TIGD4: variants seen among roughly 807,000 people sequenced by gnomAD.
TIGD4 encodes tigger transposable element derived 4, also known as tigger transposable element-derived protein 4.
TIGD4 carries 20 observed loss-of-function variants against 24.9 expected under a neutral mutation model. The ratio of observed to expected loss-of-function variants is 0.80; its 90% confidence interval spans 0.56 to 1.17. The LOEUF (loss-of-function observed/expected upper bound fraction) is 1.17, where lower values mean the gene tolerates loss of function less well. Among genes scored for constraint, TIGD4 ranks in the 50% most tolerant of loss-of-function variants. The pLI, the probability that TIGD4 is intolerant of heterozygous loss-of-function variation, is 0.00. For synonymous variants in TIGD4, 193 were observed against 211.0 expected (o/e 0.91, Z 0.74); for missense variants, 566 against 591.0 (o/e 0.96, Z 0.44).
intron 1 of TIGD4, among the ~76,000 whole-genome samples, chr4:152,778,399 G>C (rs1730302393): frequency 6.6e-6 from 1 of 152,194 alleles, no homozygotes; most frequent in African/African-American, 2.4e-5. Flanking sequence ...TAGTTGCTCA[G>C]TTCCTACACA....
intron 1 of TIGD4, among the ~76,000 whole-genome samples, chr4:152,773,802 A>G (rs1219506986): frequency 6.6e-6 from 1 of 152,184 alleles, no homozygotes; most frequent in East Asian, 1.9e-4. Flanking sequence ...TCTTGCTTGT[A>G]TATGGGATCT....
chr4:152,771,183 G>A lies in TIGD4; in HGVS notation c.-179C>T. On this transcript the variant is annotated 5_prime_UTR_variant, in exon 2 of 2. Transcript: ENST00000304337. Reference sequence around the variant, plus strand: ...TGATGACAAAATATGCTTTTTCAAAGATCTGAAGAAAAATATTATATGCAA... The same window carrying A: ...TGATGACAAAATATGCTTTTTCAAAAATCTGAAGAAAAATATTATATGCAA... The A allele has an allele frequency of 1.5e-6, 1 of 683,342 alleles. No homozygotes were observed. The highest frequency in any genetic ancestry group is 1.9e-5 in the African/African-American group (1 of 53,196). 42.3% of individuals were successfully genotyped at this position (683,342 alleles called of 1,614,324 possible). A position where few individuals can be genotyped will look rare whatever the true frequency, so the allele number is the denominator to read the frequency against.
chr4:152,772,679 C>T (rs143619816), intron 1 of TIGD4, among the ~76,000 whole-genome samples: 3 of 152,026 alleles, frequency 2.0e-5, no homozygotes, highest in African/African-American at 7.2e-5. Context: ...AGCAAGAATC[C>T]CACCTTAAAT....
At position 152,769,458 on chromosome 4, in the gene TIGD4, A is replaced by G. The variant is rs1730115978; in HGVS notation, c.*8T>C. 1 of 1,496,318 alleles carries G rather than the reference A, an allele frequency of 6.7e-7. No homozygotes were observed. Among genetic ancestry groups the G allele is most frequent in the Non-Finnish European group, 9.0e-7 (1 of 1,110,442 alleles). 92.7% of individuals were successfully genotyped at this position (1,496,318 alleles called of 1,614,324 possible). On this transcript the variant is annotated 3_prime_UTR_variant, in exon 2 of 2. Coordinates refer to ENST00000304337, the MANE Select transcript of TIGD4 (RefSeq NM_145720.4). The stretch of plus-strand genomic sequence containing the variant: ...AAAGCTATTACTCTTTAGATGTACA[A>G]TACATAGTTACTTAGGTGATAAAGA...
Position 152,770,248 on chromosome 4 carries a change from C to G in TIGD4, c.757G>C (p.Glu253Gln). ...GTCATCCATGCCATTCTGTTAGCTT[C>G]ATAACACACAGGCAATGATTTTAAA... ...KGLKSLPVCY[E>Q]ANRMAWMTSD... is the part of the protein sequence containing the mutation. The change falls in exon 2 of 2, where the codon GAA (glutamate) becomes CAA (glutamine). Residue 253 changes from glutamate (E) to glutamine (Q), a missense_variant. Glu to Gln is a conservative substitution (Grantham distance 29, BLOSUM62 2). Transcript: ENST00000304337. 2 of 1,614,052 alleles carry G rather than the reference C, an allele frequency of 1.2e-6. No individual in the cohort carries two copies. Among genetic ancestry groups the G allele is most frequent in the Admixed American group, 3.3e-5 (2 of 60,018 alleles).
intron 1 of TIGD4, among the ~76,000 whole-genome samples, chr4:152,777,246 A>T (rs1220656871): frequency 6.6e-6 from 1 of 152,298 alleles, no homozygotes; most frequent in East Asian, 1.9e-4. Context: ...TATGCCACAA[A>T]TGCCATTCAG....
rs1288118138 is a variant in TIGD4 at position 152,770,152 on chromosome 4, TCAC to T, written c.850_852del (p.Val284del). The T allele has an allele frequency of 2.5e-6, 4 of 1,613,970 alleles. No homozygotes were observed. The highest frequency in any genetic ancestry group is 3.4e-6 in the Non-Finnish European group (4 of 1,179,960). On this transcript the variant is annotated inframe_deletion, in exon 2 of 2. Coordinates refer to ENST00000304337, the MANE Select transcript of TIGD4 (RefSeq NM_145720.4). ...TGTGCTGGAAAAGACTCAACAAAAA[TCAC>T]CACTCTTCGTTGCTGGGCTTGAAAT...
At position 152,769,789 on chromosome 4, in the gene TIGD4, C is replaced by G; in HGVS notation, c.1216G>C (p.Gly406Arg). Residue 406 changes from glycine to arginine, a missense_variant, in exon 2 of 2, where the codon GGG becomes CGG. Coordinates refer to ENST00000304337, the MANE Select transcript of TIGD4 (RefSeq NM_145720.4). ...CCTTCAGGAAATTCTACTCCTGCCCCCAGAGCATCAGCAACCAAATCCAGA... is the reference window on the plus strand; with the variant it reads ...CCTTCAGGAAATTCTACTCCTGCCCGCAGAGCATCAGCAACCAAATCCAGA... The part of the protein sequence containing the change: ...TGLDLVADAL[G>R]AGVEFPEGLS... 1 of 1,613,442 alleles carries G rather than the reference C, an allele frequency of 6.2e-7. No individual in the cohort carries two copies. Among genetic ancestry groups the G allele is most frequent in the Non-Finnish European group, 8.5e-7 (1 of 1,179,940 alleles).
intron 1 of TIGD4, among the ~76,000 whole-genome samples, chr4:152,777,013 CAATA>C (rs1730270941): frequency 6.6e-6 from 1 of 152,110 alleles, no homozygotes; most frequent in Non-Finnish European, 1.5e-5. Flanking sequence ...TAAGAATAGA[CAATA>C]AAGCATGGAA....
Position 152,770,289 on chromosome 4 carries a change from G to A in TIGD4, c.716C>T (p.Pro239Leu). ...PLLVIGKKRT[P>L]HCFKGLKSLP... ...TGATTTTAAACCTTTGAAACAATGTGGAGTTCTCTTTTTTCCAATGACAAG... is the reference window on the plus strand; with the variant it reads ...TGATTTTAAACCTTTGAAACAATGTAGAGTTCTCTTTTTTCCAATGACAAG... The change falls in exon 2 of 2, where the codon CCA becomes CTA. Residue 239 changes from proline (P) to leucine (L), a missense_variant. Transcript: ENST00000304337. 1 of 1,614,006 alleles carries A rather than the reference G, an allele frequency of 6.2e-7. No homozygotes were observed. Among genetic ancestry groups the A allele is most frequent in the Non-Finnish European group, 8.5e-7 (1 of 1,179,940 alleles).
Position 152,771,018 on chromosome 4 carries a change from T to G in TIGD4, c.-14A>C. ...AGCTTCTGCCATCTCAGCCAGTGCTTATGTAGAGATTACTCTTCTTAACTT... is the reference window on the plus strand; with the variant it reads ...AGCTTCTGCCATCTCAGCCAGTGCTGATGTAGAGATTACTCTTCTTAACTT... On this transcript the variant is annotated 5_prime_UTR_variant, in exon 2 of 2. Coordinates refer to ENST00000304337, the MANE Select transcript of TIGD4 (RefSeq NM_145720.4). 1 of 1,573,048 alleles carries G rather than the reference T, an allele frequency of 6.4e-7. No homozygotes were observed. Among genetic ancestry groups the G allele is most frequent in the Non-Finnish European group, 8.6e-7 (1 of 1,167,042 alleles).
rs1561084420 is a variant in TIGD4, at chr4:152,770,297, CT to C, written c.707del (p.Lys236ArgfsTer10). The C allele has an allele frequency of 1.2e-6, 2 of 1,613,826 alleles. No individual in the cohort carries two copies. The highest frequency in any genetic ancestry group is 2.7e-5 in the African/African-American group (2 of 74,922). The stretch of plus-strand genomic sequence containing the variant: ...AACCTTTGAAACAATGTGGAGTTCT[CT>C]TTTTTCCAATGACAAGCAAAGGAAG... The part of the protein sequence containing the change: ...EKLPLLVIGK[K>X]RTPHCFKGLK... On this transcript the variant is annotated frameshift_variant, in exon 2 of 2. Coordinates refer to ENST00000304337, the MANE Select transcript of TIGD4 (RefSeq NM_145720.4). LOFTEE classifies it high-confidence loss of function.
chr4:152,778,147 C>T (rs938170786), intron 1 of TIGD4, among the ~76,000 whole-genome samples: 13 of 152,106 alleles, frequency 8.5e-5, no homozygotes, highest in Non-Finnish European at 1.6e-4. Context: ...CAAGTCTTCA[C>T]CTTTCCAAAA....
In TIGD4 at chr4:152,770,887, C is replaced by G; in HGVS notation, c.118G>C (p.Ala40Pro). Reference sequence around the variant, plus strand: ...ATTCCATATTCAGCAGCAATCTCTGCTTTTTTCTTGCCACTTTCCACTGCA... The same window carrying G: ...ATTCCATATTCAGCAGCAATCTCTGGTTTTTTCTTGCCACTTTCCACTGCA... ...INAVESGKKKAEIAAEYGIKK... is the reference protein window; with the variant it reads ...INAVESGKKKPEIAAEYGIKK... Residue 40 changes from alanine (A) to proline (P), a missense_variant, in exon 2 of 2, where the codon GCA (alanine) becomes CCA (proline). Transcript: ENST00000304337. The G allele has an allele frequency of 6.2e-7, 1 of 1,613,936 alleles. No individual in the cohort carries two copies. Among genetic ancestry groups the G allele is most frequent in the Admixed American group, 1.7e-5 (1 of 60,014 alleles).
Position 152,769,399 on chromosome 4 carries a change from C to CT in TIGD4, c.*66dup. 8.5e-7 allele frequency: 1 copy of CT among 1,182,740 alleles called. No individual in the cohort carries two copies. Among genetic ancestry groups the CT allele is most frequent in the Non-Finnish European group, 1.2e-6 (1 of 867,732 alleles). The allele number at this position is 1,182,740 out of a possible 1,614,324, so 73.3% of individuals were successfully genotyped here. A position where few individuals can be genotyped will look rare whatever the true frequency, so the allele number is the denominator to read the frequency against. ...ATGTTTAAGTGGTGTGGTACAACTC[C>CT]TTTACATACCTTATATAATAAAATG... is the stretch of plus-strand genomic sequence containing the variant. On this transcript the variant is annotated 3_prime_UTR_variant, in exon 2 of 2. Transcript: ENST00000304337.
rs751894209 is a variant in TIGD4, at chr4:152,770,744, C to T, written c.261G>A (p.Leu87=). 31 of 1,613,506 alleles carry T rather than the reference C, an allele frequency of 1.9e-5. No individual in the cohort carries two copies. The highest frequency in any genetic ancestry group is 2.2e-5 in the Non-Finnish European group (26 of 1,179,818). Residue 87 remains leucine (L), a synonymous_variant, in exon 2 of 2, where the codon CTG becomes CTA. Transcript: ENST00000304337. The part of the protein sequence containing the change: ...KRLRTAFYTD[L]EEALMRWYRI... The stretch of plus-strand genomic sequence containing the variant: ...GATACCATCTCATTAATGCCTCTTC[C>T]AGATCTGTGTAAAAAGCAGTTCTCA...
In TIGD4 at chr4:152,770,806, AG is replaced by A. The variant is rs766187436; in HGVS notation, c.198del (p.Phe67LeufsTer4). 16 of 1,611,334 alleles carry A rather than the reference AG, an allele frequency of 9.9e-6. No individual in the cohort carries two copies. In the South Asian group the frequency reaches 1.8e-4, roughly 18 times the overall value. ...IMKNKDKVLE[A>X]FESLRFDPKR... ...TTTGGATCAAATCTTAGAGATTCAA[AG>A]GCTTCTAGAACTTTGTCTTTATTCT... On this transcript the variant is annotated frameshift_variant, in exon 2 of 2. Coordinates refer to ENST00000304337, the MANE Select transcript of TIGD4 (RefSeq NM_145720.4). LOFTEE classifies it high-confidence loss of function.
intron 1 of TIGD4, among the ~76,000 whole-genome samples, chr4:152,774,148 G>A (rs1730225718): frequency 6.6e-6 from 1 of 151,176 alleles, no homozygotes; most frequent in Admixed American, 6.6e-5. Context: ...CAAACAGCAA[G>A]GATTATAGAA....
rs142108457 is a variant in TIGD4 at position 152,769,909 on chromosome 4, C to T, written c.1096G>A (p.Val366Ile). ...VDTLHLCWRA[V>I]TPETIVKSYE... ...CTTTTAACAATAGTCTCTGGGGTTACAGCCCTCCAGCAAAGATGCAATGTA... is the reference window on the plus strand; with the variant it reads ...CTTTTAACAATAGTCTCTGGGGTTATAGCCCTCCAGCAAAGATGCAATGTA... The change falls in exon 2 of 2, where the codon GTA becomes ATA. Residue 366 changes from valine (V) to isoleucine (I), a missense_variant. Physicochemically the swap from Val to Ile is conservative, Grantham distance 29. Transcript: ENST00000304337. 18 of 1,613,698 alleles carry T rather than the reference C, an allele frequency of 1.1e-5. No homozygotes were observed. The African/African-American group carries it at 1.6e-4, about 14-fold the overall frequency.
Sources: gnomAD v4.1 joint callset for allele counts (sites outside exome capture counted in the v4.1 genomes callset) on GRCh38, gnomAD v4.1.1 for gene constraint, MANE v1.5 for transcripts, NCBI Gene and HGNC (gene_info 2026-07-23, HGNC 2026-07-21) for gene names.